FOCAD: variants seen among roughly 807,000 people sequenced by gnomAD.
FOCAD encodes focadhesin, also known as KIAA1797.
A neutral mutation model predicts 225.6 loss-of-function variants in FOCAD; 198 were observed. That is an observed-to-expected ratio of 0.88 (90% CI 0.78 to 0.99). The LOEUF (loss-of-function observed/expected upper bound fraction) is 0.99, where lower values mean the gene tolerates loss of function less well. FOCAD is among the 50% of genes least tolerant of loss of function. The probability of loss-of-function intolerance (pLI) is 0.00; values close to 1 mark genes in which losing one functional copy is unlikely to be tolerated. For missense variants in FOCAD, 2,713 were observed against 2,123.6 expected (o/e 1.28, Z -5.46); for synonymous variants, 897 against 755.0 (o/e 1.19, Z -3.08).
chr9:20,799,510 G>A (rs1435427678), intron 11 of FOCAD, among the ~76,000 whole-genome samples: 1 of 152,126 alleles, frequency 6.6e-6, no homozygotes, highest in Non-Finnish European at 1.5e-5. Flanking sequence ...CTAAGGTCCT[G>A]CTTTATGAAT....
intron 6 of FOCAD, among the ~76,000 whole-genome samples, chr9:20,764,407 C>T (rs1587070955): frequency 6.6e-6 from 1 of 152,260 alleles, no homozygotes; most frequent in African/African-American, 2.4e-5. Flanking sequence ...GTGCATGCCA[C>T]CACGCCCAGC....
intron 5 of FOCAD, among the ~76,000 whole-genome samples, chr9:20,747,209 G>A (rs1372205011): frequency 6.6e-6 from 1 of 152,046 alleles, no homozygotes; most frequent in Non-Finnish European, 1.5e-5. Context: ...TTTATTAGTG[G>A]CAAAAGAGAT....
chr9:20,971,435 T>A (rs545921332), intron 35 of FOCAD, among the ~76,000 whole-genome samples: 4 of 152,198 alleles, frequency 2.6e-5, no homozygotes, highest in South Asian at 2.1e-4. Flanking sequence ...TAACCATTTT[T>A]TTTTATTTTT....
chr9:20,868,903 C>A (rs777028813), intron 18 of FOCAD, among the ~76,000 whole-genome samples: 1 of 152,086 alleles, frequency 6.6e-6, no homozygotes, highest in Non-Finnish European at 1.5e-5. Flanking sequence ...CTTCTAAGAC[C>A]ACACCATGCA....
At chr9:20,988,649 G>T (rs572370298) in intron 41 of FOCAD, among the ~76,000 whole-genome samples, 7 of 151,886 alleles carry the variant, frequency 4.6e-5, no homozygotes, top group Non-Finnish European at 8.8e-5. Flanking sequence ...CTCTGATGCC[G>T]CAAGAAAACT....
chr9:20,885,422 C>T lies in FOCAD; in HGVS notation c.2625+192C>T, dbSNP rs182197151. 2.2e-3 allele frequency: 850 copies of T among 381,322 alleles called. 1 individual carries two copies. Among genetic ancestry groups the T allele is most frequent in the Non-Finnish European group, 3.1e-3 (729 of 235,674 alleles). The allele number at this position is 381,322 out of a possible 1,614,324, so 23.6% of individuals were successfully genotyped here. ...TTTCTGAAAGAAACTGCCATGTTTT[C>T]CCCCACTGCCCAGCGTATTTATTAG... On this transcript the variant is annotated intron_variant, in intron 21 of 43. Transcript: ENST00000338382.
Position 20,770,071 on chromosome 9 carries a change from A to G in FOCAD, c.739A>G (p.Ile247Val), listed in dbSNP as rs1818040728. The change falls in exon 8 of 44, where the codon ATT becomes GTT. Residue 247 changes from isoleucine (I) to valine (V), a missense_variant. Transcript: ENST00000338382. ...LIQTTEAMMF[I>V]EEVCLSLLRH... ...ACAGACAACAGAGGCGATGATGTTT[A>G]TTGAGGAAGTATGTTTAAGCCTTTT... The G allele has an allele frequency of 6.2e-7, 1 of 1,614,088 alleles. No homozygotes were observed. Among genetic ancestry groups the G allele is most frequent in the East Asian group, 2.2e-5 (1 of 44,880 alleles).
chr9:20,932,938 T>C, intron 27 of FOCAD, 76 bp from the exon 28 acceptor site: 1 of 1,022,252 alleles, frequency 9.8e-7, no homozygotes, highest in Non-Finnish European at 1.5e-6. Flanking sequence ...ATATTGAGAG[T>C]ATAATATTGT....
intron 15 of FOCAD, among the ~76,000 whole-genome samples, chr9:20,860,463 C>A (rs142184437): frequency 6.6e-6 from 1 of 152,236 alleles, no homozygotes; most frequent in East Asian, 1.9e-4. Context: ...GCAAAGCTCT[C>A]TTATTAGTTC....
chr9:20,849,120 A>G (rs1827403730), intron 15 of FOCAD, among the ~76,000 whole-genome samples: 1 of 151,992 alleles, frequency 6.6e-6, no homozygotes, highest in Non-Finnish European at 1.5e-5. Flanking sequence ...CCAAGCCAAT[A>G]TACTTTTCCA....
chr9:20,785,645 A>C (rs34406128), intron 10 of FOCAD, among the ~76,000 whole-genome samples: 45,438 of 151,934 alleles, frequency 0.3, 7,391 homozygotes, highest in Non-Finnish European at 0.36. Context: ...CTTACATTTT[A>C]CTTTCCTTTT....
At chr9:20,927,181 C>T (rs1287022877) in intron 26 of FOCAD, among the ~76,000 whole-genome samples, 1 of 152,026 alleles carries the variant, frequency 6.6e-6, no homozygotes, top group Non-Finnish European at 1.5e-5. Context: ...TAAACATTGG[C>T]TGAAATGTGG....
intron 22 of FOCAD, 148 bp downstream of exon 22, chr9:20,907,390 CAT>C (rs144669031): frequency 1.9e-4 from 136 of 701,944 alleles, no homozygotes; most frequent in East Asian, 4.5e-4. Context: ...GAATGTGAGG[CAT>C]ATATATATAG....
At chr9:20,873,842 A>G (rs1564097535) in intron 18 of FOCAD, 1 of 152,118 alleles carries the variant, frequency 6.6e-6, no homozygotes, top group Non-Finnish European at 1.5e-5. Flanking sequence ...ATACAGGCTA[A>G]TGGTGATGAC....
intron 2 of FOCAD, among the ~76,000 whole-genome samples, chr9:20,677,788 A>G (rs1431736066): frequency 6.6e-6 from 1 of 152,228 alleles, no homozygotes; most frequent in Non-Finnish European, 1.5e-5. Flanking sequence ...TTCTCAAAAT[A>G]CTAAAAAATA....
At chr9:20,950,343 T>C (rs1385498703) in intron 33 of FOCAD, among the ~76,000 whole-genome samples, 1 of 152,182 alleles carries the variant, frequency 6.6e-6, no homozygotes, top group African/African-American at 2.4e-5. Flanking sequence ...TTAGCATACT[T>C]GTTTTCGTTC....
chr9:20,897,954 T>C (rs1832237554), intron 21 of FOCAD, among the ~76,000 whole-genome samples: 1 of 151,868 alleles, frequency 6.6e-6, no homozygotes, highest in African/African-American at 2.4e-5. Context: ...CAAATTTTGC[T>C]TGTCTGAGCA....
At chr9:20,913,084 G>GA (rs907897522) in intron 23 of FOCAD, 130 bp downstream of exon 23, 3 of 653,562 alleles carry the variant, frequency 4.6e-6, no homozygotes, top group Non-Finnish European at 7.9e-6. Flanking sequence ...GGAAATGACA[G>GA]AAGAGCTGAT....
chr9:20,778,649 A>G, intron 8 of FOCAD, 32 bp from the exon 9 acceptor site: 1 of 1,271,784 alleles, frequency 7.9e-7, no homozygotes, highest in Non-Finnish European at 1.1e-6. Context: ...GAACTTCTTT[A>G]ACAACTCCTT....
Sources: allele counts gnomAD v4.1 joint callset (sites outside exome capture counted in the v4.1 genomes callset), GRCh38; gene constraint gnomAD v4.1.1; transcripts MANE v1.5; gene names NCBI Gene and HGNC (gene_info 2026-07-23, HGNC 2026-07-21).